Variants in MYO16 observed in about 807,000 individuals in gnomAD.
The protein encoded by MYO16 is myosin XVI.
MYO16 carries 94 observed loss-of-function variants against 205.3 expected under a neutral mutation model. The ratio of observed to expected loss-of-function variants is 0.46; its 90% CI spans 0.39 to 0.54. The LOEUF is 0.54. Among genes scored for constraint, MYO16 ranks in the 20% least tolerant of loss-of-function variants. The pLI is 0.00. For missense variants in MYO16, 2,315 were observed against 2,387.5 expected (o/e 0.97, Z 0.63); for synonymous variants, 988 against 954.0 (o/e 1.04, Z -0.66).
At chr13:108,849,526 T>TGA in intron 10 of MYO16, among the ~76,000 whole-genome samples, 1 of 35,154 alleles carries the variant, frequency 2.8e-5, no homozygotes, top group Non-Finnish European at 7.5e-5. Flanking sequence ...TTTCCTCCTT[T>TGA]GTGTGTGTGT....
At position 109,179,560 on chromosome 13, in the gene MYO16, G is replaced by A. The variant is rs759392056; in HGVS notation, c.5342G>A (p.Gly1781Glu). 1 of 1,613,808 alleles carries A rather than the reference G, an allele frequency of 6.2e-7. No homozygotes were observed. The highest frequency in any genetic ancestry group is 8.5e-7 in the Non-Finnish European group (1 of 1,179,722). The change falls in exon 34 of 35, where the codon GGA (glycine) becomes GAA (glutamate). Residue 1781 changes from glycine to glutamate, a missense_variant. Transcript: ENST00000457511. ...SISNGLPEED[G>E]YSRLSISGTG... The stretch of plus-strand genomic sequence containing the variant: ...TCAATAGGTTTACCTGAAGAAGATG[G>A]ATACTCACGGTTGTCTATAAGTGGC...
chr13:109,140,479 C>A lies in MYO16; in HGVS notation c.4267C>A (p.Pro1423Thr), dbSNP rs1255842851. The A allele has an allele frequency of 6.5e-7, 1 of 1,539,818 alleles. No homozygotes were observed. The highest frequency in any genetic ancestry group is 8.7e-7 in the Non-Finnish European group (1 of 1,152,070). ...GCAGTGCGCGCTGCCCCCGGCGGCG[C>A]CTCCGGGTGACGAGGACGACAGCGA... is the stretch of plus-strand genomic sequence containing the variant. ...TPQCALPPAAPPGDEDDSEPV... is the reference protein window; with the variant it reads ...TPQCALPPAATPGDEDDSEPV... Residue 1423 changes from proline (P) to threonine (T), a missense_variant, in exon 32 of 35, where the codon CCT becomes ACT. This residue lies in a region of MYO16 where 1,097 missense variants were observed against 1,092.0 expected (regional missense o/e 1.00). Coordinates refer to ENST00000457511, the MANE Select transcript of MYO16 (RefSeq NM_001198950.3). This position sits in a 1 kb window ranked among gnomAD's most constrained non-coding sequence, Gnocchi z 8.0.
intron 1 of MYO16, among the ~76,000 whole-genome samples, chr13:108,650,410 G>A (rs145587391): frequency 6.6e-6 from 1 of 152,276 alleles, no homozygotes; most frequent in African/African-American, 2.4e-5. Context: ...CTATAGGAGG[G>A]AATCCTGTCT....
At chr13:108,582,924 T>A in the MYO16 span, among the ~76,000 whole-genome samples, 1 of 152,214 alleles carries the variant, frequency 6.6e-6, no homozygotes, top group Non-Finnish European at 1.5e-5. Context: ...AAATTGGAGT[T>A]ATGAATGGAA....
the MYO16 span, among the ~76,000 whole-genome samples, chr13:108,575,605 T>G: frequency 6.6e-6 from 1 of 152,078 alleles, no homozygotes; most frequent in Non-Finnish European, 1.5e-5. Context: ...TAATAAACTC[T>G]CTACTGAAAT....
At chr13:108,758,587 A>C (rs759553017) in intron 4 of MYO16, among the ~76,000 whole-genome samples, 12 of 152,190 alleles carry the variant, frequency 7.9e-5, no homozygotes, top group Non-Finnish European at 1.8e-4. Context: ...GTCATCAATT[A>C]TCTCTCCTTT....
intron 31 of MYO16, among the ~76,000 whole-genome samples, chr13:109,137,149 C>T (rs1012855835): frequency 1.3e-5 from 2 of 152,158 alleles, no homozygotes; most frequent in African/African-American, 4.8e-5. Flanking sequence ...CGTAGCCTCT[C>T]TACAGTGCCC....
chr13:109,114,543 G>T (rs1297274731), intron 28 of MYO16, among the ~76,000 whole-genome samples: 1 of 152,174 alleles, frequency 6.6e-6, no homozygotes, highest in African/African-American at 2.4e-5. Flanking sequence ...GATCTAACTA[G>T]AACAGTGTGG....
intron 19 of MYO16, 143 bp from the exon 20 acceptor site, chr13:108,964,618 C>G: frequency 1.1e-6 from 1 of 869,764 alleles, no homozygotes; most frequent in Non-Finnish European, 1.8e-6. Flanking sequence ...TGACGGAGAC[C>G]TCATTTATGA....
In MYO16 at chr13:109,201,201, T is replaced by C. The variant is rs1044918863; in HGVS notation, c.5416-5408T>C. ...ATTAAATATTATATTATTCTTTTAG[T>C]AATTTCACAAGAGAAGACAACATGC... is the stretch of plus-strand genomic sequence containing the variant. On this transcript the variant is annotated intron_variant, in intron 34 of 34. Coordinates refer to ENST00000457511, the MANE Select transcript of MYO16 (RefSeq NM_001198950.3). 2.0e-5 allele frequency among the ~76,000 whole-genome samples: 3 copies of C among 152,172 alleles called. 1 individual carries two copies. Among genetic ancestry groups the C allele is most frequent in the Admixed American group, 2.0e-4 (3 of 15,272 alleles).
intron 16 of MYO16, among the ~76,000 whole-genome samples, chr13:108,938,366 G>A (rs1882581077): frequency 6.6e-6 from 1 of 152,234 alleles, no homozygotes; most frequent in African/African-American, 2.4e-5. Flanking sequence ...GGAATGCACA[G>A]TGGTCTGAGC....
chr13:108,720,271 G>C (rs1436669847), intron 3 of MYO16, among the ~76,000 whole-genome samples: 6 of 152,164 alleles, frequency 3.9e-5, no homozygotes, highest in Non-Finnish European at 8.8e-5. Context: ...TCAAGCACAG[G>C]CTGAAAGGGC....
intron 4 of MYO16, among the ~76,000 whole-genome samples, chr13:108,729,669 A>C (rs1884458931): frequency 6.6e-6 from 1 of 152,188 alleles, no homozygotes; most frequent in African/African-American, 2.4e-5. Context: ...GGTTGTGCTT[A>C]AAATTTTTAA....
chr13:109,059,221 A>G (rs752075920), intron 27 of MYO16, among the ~76,000 whole-genome samples: 4 of 152,202 alleles, frequency 2.6e-5, no homozygotes, highest in Admixed American at 2.0e-4. Context: ...AGGAGCATTT[A>G]GAATGGTGAA....
chr13:108,673,474 A>G (rs1882078838), intron 2 of MYO16, among the ~76,000 whole-genome samples: 1 of 151,934 alleles, frequency 6.6e-6, no homozygotes, highest in Admixed American at 6.6e-5. Flanking sequence ...AAGCATATTT[A>G]CAGAACTATA....
chr13:109,176,603 A>AAAAAAAAAAAAAAAAAAAAAAAAAACC (rs1210061351), intron 33 of MYO16, among the ~76,000 whole-genome samples: 1 of 142,676 alleles, frequency 7.0e-6, no homozygotes, highest in African/African-American at 2.6e-5. Context: ...AAAAAAAAAG[A>AAAAAAAAAAAAAAAAAAAAAAAAAACC]CCTCCTTTGC....
the MYO16 span, among the ~76,000 whole-genome samples, chr13:108,551,113 G>GAA: frequency 1.3e-5 from 2 of 152,040 alleles, no homozygotes; most frequent in Non-Finnish European, 2.9e-5. Flanking sequence ...TTCTTAAATA[G>GAA]GGGGGTTCTA....
rs564891264 is a variant in MYO16, at chr13:108,671,766, G to T, written c.292+5617G>T. ...AGTCCAAGATCAAGGTACCTGGCTT[G>T]CTGACAGCCACCTTCTTGCTGTGTC... On this transcript the variant is annotated intron_variant, in intron 2 of 34. Coordinates refer to ENST00000457511, the MANE Select transcript of MYO16 (RefSeq NM_001198950.3). 3.9e-5 allele frequency among the ~76,000 whole-genome samples: 6 copies of T among 152,152 alleles called. No individual in the cohort carries two copies. In the South Asian group the frequency reaches 1.0e-3, roughly 26 times the overall value.
the MYO16 span, among the ~76,000 whole-genome samples, chr13:108,559,761 C>T: frequency 2.6e-5 from 4 of 152,032 alleles, no homozygotes; most frequent in Non-Finnish European, 5.9e-5. Flanking sequence ...TGAGCCACAG[C>T]GCCCGGCCTT....
Sources: allele counts gnomAD v4.1 joint callset (sites outside exome capture counted in the v4.1 genomes callset), GRCh38; gene constraint gnomAD v4.1.1; regional missense constraint gnomAD v4.1.1; non-coding constraint Gnocchi (gnomAD v3.1); transcripts MANE v1.5; gene names NCBI Gene and HGNC (gene_info 2026-07-23, HGNC 2026-07-21).